The following LONP2 variants were observed in gnomAD, a reference collection of about 807,000 sequenced individuals.
LONP2 encodes the protein lon peptidase 2, peroxisomal.
Under a neutral mutation model 85.6 loss-of-function variants are expected in LONP2, and 60 were observed. The observed-to-expected ratio is 0.70, with a 90% CI of 0.57 to 0.87. The LOEUF is 0.87. Ranked by LOEUF, LONP2 falls within the 40% of genes least tolerant of loss-of-function variation. The pLI is 0.00. For synonymous variants in LONP2, 395 were observed against 389.7 expected (o/e 1.01, Z -0.16); for missense variants, 860 against 1,063.5 (o/e 0.81, Z 2.66).
Position 48,352,034 on chromosome 16 carries a change from C to T in LONP2, c.*232C>T, listed in dbSNP as rs1241199472. ...TCTTTTTAGTGGGATCCTTACTGTC[C>T]CTGGAAAGATATAGCATAGTGGTTC... is the stretch of plus-strand genomic sequence containing the variant. On this transcript the variant is annotated 3_prime_UTR_variant, in exon 15 of 15. Transcript: ENST00000285737. 3 of 543,630 alleles carry T rather than the reference C, an allele frequency of 5.5e-6. No individual in the cohort carries two copies. The Admixed American group carries it at 9.4e-5, about 17-fold the overall frequency. 33.7% of individuals were successfully genotyped at this position (543,630 alleles called of 1,614,324 possible). A position where few individuals can be genotyped will look rare whatever the true frequency, so the allele number is the denominator to read the frequency against.
rs1567331873 is a variant in LONP2, at chr16:48,303,197, T to G, written c.1687T>G (p.Ser563Ala). 1 of 1,614,148 alleles carries G rather than the reference T, an allele frequency of 6.2e-7. No individual in the cohort carries two copies. Among genetic ancestry groups the G allele is most frequent in the Non-Finnish European group, 8.5e-7 (1 of 1,180,006 alleles). ...TRYTREAGVR[S>A]LDRKLGAICR... ...GTATACCAGAGAGGCAGGGGTTCGT[T>G]CTCTGGATAGAAAACTTGGGGCCAT... is the stretch of plus-strand genomic sequence containing the variant. Residue 563 changes from serine to alanine, a missense_variant, in exon 11 of 15, where the codon TCT (serine) becomes GCT (alanine). By Grantham distance (99) the Ser-to-Ala change is moderately conservative. This residue lies in a region of LONP2 where 743 missense variants were observed against 917.3 expected (regional missense o/e 0.81). Transcript: ENST00000285737.
At chr16:48,266,227 A>C (rs954902104) in intron 6 of LONP2, among the ~76,000 whole-genome samples, 125 of 151,924 alleles carry the variant, frequency 8.2e-4, no homozygotes, top group Non-Finnish European at 8.8e-5. Context: ...CTAGTCTCGA[A>C]CTCTTGACCT....
intron 12 of LONP2, chr16:48,343,768 AC>A (rs1385335242): frequency 2.0e-5 from 3 of 152,216 alleles, no homozygotes; most frequent in Non-Finnish European, 4.4e-5. Flanking sequence ...TATTTTAAAT[AC>A]TTCCTTAATC....
chr16:48,349,831 T>C (rs777869506), intron 14 of LONP2, among the ~76,000 whole-genome samples: 5 of 152,206 alleles, frequency 3.3e-5, no homozygotes, highest in Non-Finnish European at 7.3e-5. Context: ...TTCCTAGAAG[T>C]TAAGGCATCT....
At chr16:48,324,800 T>C (rs1973335636) in intron 11 of LONP2, among the ~76,000 whole-genome samples, 1 of 152,178 alleles carries the variant, frequency 6.6e-6, no homozygotes, top group Non-Finnish European at 1.5e-5. Flanking sequence ...TTTGTTCTTT[T>C]TTTTAATTGC....
At chr16:48,318,305 G>C (rs1290421900) in intron 11 of LONP2, among the ~76,000 whole-genome samples, 1 of 152,048 alleles carries the variant, frequency 6.6e-6, no homozygotes, top group Non-Finnish European at 1.5e-5. Context: ...GATCACTTGA[G>C]GTCAGGAGTT....
intron 12 of LONP2, among the ~76,000 whole-genome samples, chr16:48,340,137 A>G (rs939784647): frequency 6.6e-5 from 10 of 152,184 alleles, no homozygotes; most frequent in Admixed American, 4.6e-4. Flanking sequence ...CAGGATGGTA[A>G]AGCCAGCTGC....
At chr16:48,264,705 A>G (rs1971953541) in intron 6 of LONP2, among the ~76,000 whole-genome samples, 1 of 152,218 alleles carries the variant, frequency 6.6e-6, no homozygotes, top group South Asian at 2.1e-4. Context: ...TGTCCATGAA[A>G]TCTTTACGAT....
intron 5 of LONP2, among the ~76,000 whole-genome samples, chr16:48,262,239 A>G (rs1462294516): frequency 6.6e-6 from 1 of 152,204 alleles, no homozygotes; most frequent in African/African-American, 2.4e-5. Flanking sequence ...ATATGATATT[A>G]GCTTGCTTTT....
At chr16:48,316,774 T>G (rs1266910913) in intron 11 of LONP2, among the ~76,000 whole-genome samples, 1 of 152,238 alleles carries the variant, frequency 6.6e-6, no homozygotes, top group Non-Finnish European at 1.5e-5. Flanking sequence ...ATTATCTGAT[T>G]CAGTTATGTT....
intron 8 of LONP2, among the ~76,000 whole-genome samples, chr16:48,284,958 G>T (rs1972407791): frequency 6.6e-6 from 1 of 152,132 alleles, no homozygotes. Flanking sequence ...AATCACTTCT[G>T]CCAGTGCGCT....
Position 48,296,081 on chromosome 16 carries a change from C to G in LONP2, c.1450C>G (p.Gln484Glu), listed in dbSNP as rs1224474804. The G allele has an allele frequency of 6.2e-7, 1 of 1,614,128 alleles. No individual in the cohort carries two copies. Among genetic ancestry groups the G allele is most frequent in the Admixed American group, 1.7e-5 (1 of 60,014 alleles). ...TCTAAATGTGGCCTTTGACCTTTCT[C>G]AAGTTCTTTTTATAGCTACTGCCAA... is the stretch of plus-strand genomic sequence containing the variant. ...HYLNVAFDLS[Q>E]VLFIATANTT... The change falls in exon 9 of 15, where the codon CAA becomes GAA. Residue 484 changes from glutamine to glutamate, a missense_variant. Transcript: ENST00000285737.
At chr16:48,257,085 G>A (rs1332883272) in intron 3 of LONP2, among the ~76,000 whole-genome samples, 2 of 152,220 alleles carry the variant, frequency 1.3e-5, no homozygotes, top group African/African-American at 4.8e-5. Context: ...GCTGAGATGG[G>A]TGGATCGCTT....
chr16:48,297,006 CTTTA>C, intron 9 of LONP2, among the ~76,000 whole-genome samples: 1 of 151,874 alleles, frequency 6.6e-6, no homozygotes, highest in South Asian at 2.1e-4. Context: ...ATCTAAATGT[CTTTA>C]TTTATTTAAT....
At chr16:48,348,908 T>TA (rs1293975833) in intron 14 of LONP2, among the ~76,000 whole-genome samples, 6 of 152,224 alleles carry the variant, frequency 3.9e-5, no homozygotes, top group Non-Finnish European at 8.8e-5. Flanking sequence ...TTGTTAAAGA[T>TA]ATAGCACATG....
At position 48,299,646 on chromosome 16, in the gene LONP2, A is replaced by G; in HGVS notation, c.1535-16A>G. ...GCCATGTAAATAATTACAAAACAAG[A>G]TCTCTTCTTTTCCAGGTTATACACA... On this transcript the variant is annotated splice_polypyrimidine_tract_variant and intron_variant, in intron 9 of 14. Transcript: ENST00000285737. 1 of 1,593,224 alleles carries G rather than the reference A, an allele frequency of 6.3e-7. No individual in the cohort carries two copies. Among genetic ancestry groups the G allele is most frequent in the South Asian group, 1.2e-5 (1 of 86,908 alleles).
At chr16:48,359,572 C>T (rs1002860965), downstream of LONP2, among the ~76,000 whole-genome samples, 2 of 152,110 alleles carry the variant, frequency 1.3e-5, no homozygotes, top group Non-Finnish European at 1.5e-5. Flanking sequence ...AAAAATTGGC[C>T]GGGCATGGTG....
At chr16:48,337,331 A>T (rs2151026699) in intron 12 of LONP2, among the ~76,000 whole-genome samples, 1 of 151,964 alleles carries the variant, frequency 6.6e-6, no homozygotes, top group East Asian at 1.9e-4. Flanking sequence ...ATTCTTACCA[A>T]CTCTGTTGCT....
intron 11 of LONP2, among the ~76,000 whole-genome samples, chr16:48,307,529 G>A (rs1163776892): frequency 6.6e-6 from 1 of 152,138 alleles, no homozygotes; most frequent in African/African-American, 2.4e-5. Context: ...CCTAAGCAAA[G>A]AAGGATTTAT....
Sources: allele counts gnomAD v4.1 joint callset (sites outside exome capture counted in the v4.1 genomes callset), GRCh38; gene constraint gnomAD v4.1.1; regional missense constraint gnomAD v4.1.1; transcripts MANE v1.5; gene names NCBI Gene and HGNC (gene_info 2026-07-23, HGNC 2026-07-21).